CPVL: variants seen among roughly 807,000 people sequenced by gnomAD.
The protein encoded by CPVL is carboxypeptidase vitellogenic like, also known as probable serine carboxypeptidase CPVL.
A neutral mutation model predicts 63.7 loss-of-function variants in CPVL; 51 were observed. The ratio of observed to expected loss-of-function variants is 0.80; its 90% CI spans 0.64 to 1.01. The LOEUF is 1.01. Ranked by LOEUF, CPVL falls within the 50% of genes least tolerant of loss-of-function variation. The pLI, the probability that CPVL is intolerant of heterozygous loss-of-function variation, is 0.00. For missense variants in CPVL, 530 were observed against 573.1 expected (o/e 0.92, Z 0.77); for synonymous variants, 195 against 206.0 (o/e 0.95, Z 0.46).
intron 12 of CPVL, among the ~76,000 whole-genome samples, chr7:29,023,643 A>C (rs1169435639): frequency 6.6e-6 from 1 of 152,146 alleles, no homozygotes; most frequent in African/African-American, 2.4e-5. Context: ...GAACTGGCCC[A>C]CCTGGTGTCC....
upstream of CPVL, chr7:29,195,313 G>T: frequency 3.2e-6 from 1 of 312,294 alleles, no homozygotes. Context: ...CTGGAGCGGG[G>T]GCTGGCGGGG....
At chr7:28,998,313 A>G (rs1025399890) in intron 12 of CPVL, among the ~76,000 whole-genome samples, 1 of 152,218 alleles carries the variant, frequency 6.6e-6, no homozygotes, top group African/African-American at 2.4e-5. Context: ...AATAAATTGA[A>G]TACCCAAGAG....
intron 7 of CPVL, among the ~76,000 whole-genome samples, chr7:29,075,826 A>G (rs1784185940): frequency 6.7e-6 from 1 of 149,904 alleles, no homozygotes; most frequent in African/African-American, 2.5e-5. Context: ...TGCCTTTTTC[A>G]TTAATCATTC....
intron 12 of CPVL, among the ~76,000 whole-genome samples, chr7:29,001,960 T>C (rs946808877): frequency 1.3e-5 from 2 of 152,010 alleles, no homozygotes; most frequent in East Asian, 1.9e-4. Context: ...AAAAAGAAAA[T>C]AAGCTGTTTA....
At chr7:29,184,158 TA>T (rs1798414996) in intron 4 of CPVL, among the ~76,000 whole-genome samples, 1 of 111,334 alleles carries the variant, frequency 9.0e-6, no homozygotes, top group African/African-American at 3.6e-5. Flanking sequence ...AGATGATAGA[TA>T]GATAGATAGA....
At chr7:29,095,255 C>T in intron 4 of CPVL, 113 bp from the exon 5 acceptor site, 2 of 836,210 alleles carry the variant, frequency 2.4e-6, no homozygotes, top group Non-Finnish European at 4.1e-6. Context: ...TGTTGGCGTA[C>T]CCTCTAACAG....
chr7:29,101,328 C>T lies in CPVL; in HGVS notation c.289-5111G>A, dbSNP rs1053681402. On this transcript the variant is annotated intron_variant, in intron 3 of 12. Transcript: ENST00000265394. ...AAAAGCTTTAAAATGTGGCTGGGCG[C>T]GGTGGCTCATGCCTATAATCCCAGC... Among the ~76,000 whole-genome samples, 7 of 152,268 alleles carry T rather than the reference C, an allele frequency of 4.6e-5. No individual in the cohort carries two copies. In the South Asian group the frequency reaches 1.2e-3, roughly 27 times the overall value.
At chr7:29,021,970 G>A (rs1024864484) in intron 12 of CPVL, among the ~76,000 whole-genome samples, 5 of 152,120 alleles carry the variant, frequency 3.3e-5, no homozygotes, top group African/African-American at 2.4e-5. Context: ...AATGTCTTAC[G>A]CCCCAAGGAA....
intron 11 of CPVL, among the ~76,000 whole-genome samples, chr7:29,032,549 G>A (rs1788127573): frequency 6.6e-6 from 1 of 152,136 alleles, no homozygotes; most frequent in South Asian, 2.1e-4. Context: ...CCAACAGTAT[G>A]GAAACAATTA....
intron 3 of CPVL, chr7:29,096,486 T>G: frequency 2.0e-6 from 1 of 504,542 alleles, no homozygotes; most frequent in Non-Finnish European, 3.6e-6. Context: ...TCCTTAAATG[T>G]AGATGCTTGG....
intron 2 of CPVL, among the ~76,000 whole-genome samples, chr7:29,186,222 G>A (rs1194062830): frequency 6.6e-6 from 1 of 151,794 alleles, no homozygotes; most frequent in Non-Finnish European, 1.5e-5. Flanking sequence ...GTTCCCCAGA[G>A]CCTGGCCTGC....
At chr7:29,071,716 C>CA in intron 9 of CPVL, 57 bp downstream of exon 9, 3 of 833,394 alleles carry the variant, frequency 3.6e-6, no homozygotes, top group Non-Finnish European at 5.4e-6. Context: ...CTCACCCGCC[C>CA]TCCCTCCCCA....
chr7:29,121,377 T>C (rs1188144323), intron 1 of CPVL, among the ~76,000 whole-genome samples: 1 of 152,124 alleles, frequency 6.6e-6, no homozygotes, highest in East Asian at 1.9e-4. Context: ...CACGTCTCAC[T>C]GTTGCCTTGA....
intron 1 of CPVL, among the ~76,000 whole-genome samples, chr7:29,135,735 C>A (rs906837855): frequency 8.5e-5 from 13 of 152,088 alleles, no homozygotes; most frequent in African/African-American, 3.1e-4. Flanking sequence ...CTCTGTCACC[C>A]AGGCTGCAGT....
At chr7:29,130,759 A>G (rs1584354002) in intron 1 of CPVL, among the ~76,000 whole-genome samples, 1 of 152,218 alleles carries the variant, frequency 6.6e-6, no homozygotes, top group Admixed American at 6.5e-5. Flanking sequence ...ATCTGCCTCA[A>G]TGCAACTGTT....
At chr7:28,997,083 G>T (rs1027047758) in intron 12 of CPVL, among the ~76,000 whole-genome samples, 2 of 152,154 alleles carry the variant, frequency 1.3e-5, no homozygotes, top group Admixed American at 6.5e-5. Flanking sequence ...TAAGCCTCTA[G>T]CGTCAGCTAA....
At chr7:29,187,058 G>T (rs1244309706) in intron 1 of CPVL, among the ~76,000 whole-genome samples, 1 of 152,096 alleles carries the variant, frequency 6.6e-6, no homozygotes, top group Non-Finnish European at 1.5e-5. Flanking sequence ...CATGATCCTG[G>T]CACATAGGAA....
chr7:29,063,499 T>C (rs992620334), intron 11 of CPVL, among the ~76,000 whole-genome samples: 2 of 152,124 alleles, frequency 1.3e-5, no homozygotes, highest in African/African-American at 4.8e-5. Flanking sequence ...CAAGAAAGGA[T>C]GAGAAGTGGT....
intron 5 of CPVL, among the ~76,000 whole-genome samples, chr7:29,161,661 A>G (rs1795194237): frequency 6.6e-6 from 1 of 152,178 alleles, no homozygotes; most frequent in African/African-American, 2.4e-5. Context: ...TTTTAATTTA[A>G]ATCCATTTGA....
Sources: allele counts gnomAD v4.1 joint callset (sites outside exome capture counted in the v4.1 genomes callset), GRCh38; gene constraint gnomAD v4.1.1; transcripts MANE v1.5; gene names NCBI Gene and HGNC (gene_info 2026-07-23, HGNC 2026-07-21).